The following CTTNBP2 variants were observed in gnomAD, a reference collection of about 807,000 sequenced individuals.
CTTNBP2 encodes cortactin-binding protein 2.
A neutral mutation model predicts 156.9 loss-of-function variants in CTTNBP2; 108 were observed. The observed-to-expected ratio is 0.69, with a 90% CI of 0.59 to 0.81. The LOEUF is 0.81. CTTNBP2 is among the 30% of genes least tolerant of loss of function. CTTNBP2 has a pLI of 0.00. For synonymous variants in CTTNBP2, 767 were observed against 751.8 expected (o/e 1.02, Z -0.33); for missense variants, 1,924 against 2,035.4 (o/e 0.95, Z 1.05).
chr7:117,790,732 CAGAA>C (rs1448247811), intron 4 of CTTNBP2, among the ~76,000 whole-genome samples: 2 of 152,120 alleles, frequency 1.3e-5, no homozygotes, highest in Non-Finnish European at 2.9e-5. Flanking sequence ...AATGTCATCT[CAGAA>C]GGAACAGAAT....
At chr7:117,773,953 GA>G (rs1797956742) in intron 8 of CTTNBP2, among the ~76,000 whole-genome samples, 1 of 152,002 alleles carries the variant, frequency 6.6e-6, no homozygotes, top group African/African-American at 2.4e-5. Context: ...TCCCCCCAGT[GA>G]AAAAAATCTC....
intron 1 of CTTNBP2, among the ~76,000 whole-genome samples, chr7:117,868,785 A>C (rs114110481): frequency 7.2e-4 from 109 of 152,296 alleles, no homozygotes; most frequent in African/African-American, 2.4e-3. Context: ...CAATACTCAG[A>C]CAGGCCTGGG....
At chr7:117,807,308 CTGAA>C (rs555862917) in intron 3 of CTTNBP2, among the ~76,000 whole-genome samples, 2 of 152,016 alleles carry the variant, frequency 1.3e-5, no homozygotes, top group South Asian at 2.1e-4. Context: ...CATGGTATTA[CTGAA>C]TGAAAGTCTA....
At chr7:117,793,284 C>G (rs917471376) in intron 3 of CTTNBP2, 1 of 152,222 alleles carries the variant, frequency 6.6e-6, no homozygotes, top group African/African-American at 2.4e-5. Flanking sequence ...CATCTTTGAG[C>G]TTCCTATGAT....
intron 14 of CTTNBP2, among the ~76,000 whole-genome samples, chr7:117,741,601 T>C (rs1421847293): frequency 1.3e-5 from 2 of 152,234 alleles, no homozygotes; most frequent in Non-Finnish European, 2.9e-5. Context: ...AGTCATGTGA[T>C]ATGAAGGGTA....
intron 22 of CTTNBP2, among the ~76,000 whole-genome samples, chr7:117,714,789 G>A (rs1794249203): frequency 1.3e-5 from 2 of 152,200 alleles, no homozygotes; most frequent in South Asian, 4.1e-4. Context: ...AAGGCCAGGA[G>A]TGCAAGAATA....
intron 3 of CTTNBP2, among the ~76,000 whole-genome samples, chr7:117,794,250 G>A (rs1382670954): frequency 6.6e-6 from 1 of 152,174 alleles, no homozygotes; most frequent in Non-Finnish European, 1.5e-5. Flanking sequence ...GGAAGCATCT[G>A]TCATGAGGGG....
rs555317460 is a variant in CTTNBP2, at chr7:117,711,236, T to C, written c.*301A>G. 16 of 290,634 alleles carry C rather than the reference T, an allele frequency of 5.5e-5. No individual in the cohort carries two copies. Among genetic ancestry groups the C allele is most frequent in the African/African-American group, 3.3e-4 (15 of 45,600 alleles). 18.0% of individuals were successfully genotyped at this position (290,634 alleles called of 1,614,324 possible). ...ATATATACAGATATACAGTACACAG[T>C]TCTGTTTTAATACCCCTGAACATCT... On this transcript the variant is annotated 3_prime_UTR_variant, in exon 23 of 23. Coordinates refer to ENST00000160373, the MANE Select transcript of CTTNBP2 (RefSeq NM_033427.3).
chr7:117,852,586 C>T (rs1253718123), intron 2 of CTTNBP2, among the ~76,000 whole-genome samples: 4 of 152,120 alleles, frequency 2.6e-5, no homozygotes, highest in Admixed American at 6.5e-5. Context: ...ATAAGAAGGA[C>T]ACGTTAAAAA....
chr7:117,746,045 A>T lies in CTTNBP2; in HGVS notation c.3403T>A (p.Tyr1135Asn). Reference protein sequence around the residue: ...FHGPEGSLQDYIVHQLALCLK... With the variant: ...FHGPEGSLQDNIVHQLALCLK... ...CAGAGTGCAAGCTGATGTACTATGT[A>T]GTCTTGCAAGCTTCCTTCTGGGCCG... The change falls in exon 13 of 23, where the codon TAC becomes AAC. Residue 1135 changes from tyrosine to asparagine, a missense_variant. Coordinates refer to ENST00000160373, the MANE Select transcript of CTTNBP2 (RefSeq NM_033427.3). 6.2e-7 allele frequency: 1 copy of T among 1,614,054 alleles called. No individual in the cohort carries two copies. The highest frequency in any genetic ancestry group is 1.3e-5 in the African/African-American group (1 of 75,046).
chr7:117,790,339 A>G (rs1798921929), intron 4 of CTTNBP2, among the ~76,000 whole-genome samples: 1 of 152,238 alleles, frequency 6.6e-6, no homozygotes, highest in Non-Finnish European at 1.5e-5. Flanking sequence ...TAATCCAGTC[A>G]TGTCAGTAAA....
At chr7:117,782,134 G>T (rs753661780) in intron 6 of CTTNBP2, among the ~76,000 whole-genome samples, 36 of 152,156 alleles carry the variant, frequency 2.4e-4, no homozygotes, top group Middle Eastern at 3.4e-3. Context: ...CATTCCTATC[G>T]GGACAGTTAG....
intron 12 of CTTNBP2, among the ~76,000 whole-genome samples, chr7:117,752,488 C>A (rs1796664010): frequency 6.6e-6 from 1 of 152,044 alleles, no homozygotes; most frequent in Non-Finnish European, 1.5e-5. Flanking sequence ...CCTATTAAAT[C>A]AAGGGTGGAG....
At chr7:117,765,666 C>A (rs1038060557) in intron 9 of CTTNBP2, among the ~76,000 whole-genome samples, 1 of 151,982 alleles carries the variant, frequency 6.6e-6, no homozygotes, top group Non-Finnish European at 1.5e-5. Context: ...ATTTCCCATC[C>A]CTCTCATTAT....
At chr7:117,861,855 T>C (rs927650853) in intron 1 of CTTNBP2, among the ~76,000 whole-genome samples, 1 of 152,090 alleles carries the variant, frequency 6.6e-6, no homozygotes, top group Non-Finnish European at 1.5e-5. Flanking sequence ...GTCGTTGTTG[T>C]TGTTTTTCAT....
chr7:117,720,643 AG>A (rs1794734224), intron 20 of CTTNBP2, among the ~76,000 whole-genome samples: 1 of 152,140 alleles, frequency 6.6e-6, no homozygotes, highest in African/African-American at 2.4e-5. Context: ...CAGTGAACCG[AG>A]ATCATGCCAC....
chr7:117,850,962 G>T (rs1048329203), intron 2 of CTTNBP2, among the ~76,000 whole-genome samples: 1 of 152,166 alleles, frequency 6.6e-6, no homozygotes, highest in African/African-American at 2.4e-5. Context: ...CACTAAAAAG[G>T]CTGTTGGAAG....
intron 2 of CTTNBP2, among the ~76,000 whole-genome samples, chr7:117,827,610 G>A (rs141784087): frequency 0.012 from 1,761 of 152,168 alleles, 12 homozygotes; most frequent in Non-Finnish European, 0.017. Flanking sequence ...TCAATATTTC[G>A]GGGAGAATGT....
rs991530720 is a variant in CTTNBP2, at chr7:117,802,041, A to G, written c.414+8724T>C. 1.5e-4 allele frequency among the ~76,000 whole-genome samples: 21 copies of G among 142,214 alleles called. No homozygotes were observed. The South Asian group carries it at 2.0e-3, about 14-fold the overall frequency. The allele number at this position is 142,214 out of a possible 152,430, so 93.3% of individuals were successfully genotyped here. Reference sequence around the variant, plus strand: ...CATCTAGCCTTAGGTATATCTCCCAATGCTATCCCTCCCCCCTCCCCCCAC... The same window carrying G: ...CATCTAGCCTTAGGTATATCTCCCAGTGCTATCCCTCCCCCCTCCCCCCAC... On this transcript the variant is annotated intron_variant, in intron 3 of 22. Transcript: ENST00000160373.
Sources: gnomAD v4.1 joint callset for allele counts (sites outside exome capture counted in the v4.1 genomes callset) on GRCh38, gnomAD v4.1.1 for gene constraint, MANE v1.5 for transcripts, NCBI Gene and HGNC (gene_info 2026-07-23, HGNC 2026-07-21) for gene names.